Variants in PVT1 observed in about 807,000 individuals in gnomAD.
PVT1 encodes the protein CXCR4/PVT1 fusion.
intron 3 of PVT1, among the ~76,000 whole-genome samples, chr8:127,909,564 A>G (rs1438000958): frequency 3.9e-5 from 6 of 152,172 alleles, no homozygotes; most frequent in African/African-American, 7.2e-5. Context: ...AATGTTTGGC[A>G]TATGTGCGGA....
chr8:128,076,289 A>G (rs1040607018), intron 5 of PVT1, among the ~76,000 whole-genome samples: 1 of 152,152 alleles, frequency 6.6e-6, no homozygotes, highest in African/African-American at 2.4e-5. Context: ...TGCCACCAGG[A>G]TTGACATAAA....
Position 128,044,100 on chromosome 8 carries a change from C to G in PVT1, n.913-26060C>G, listed in dbSNP as rs78764616. On this transcript the variant is annotated intron_variant and non_coding_transcript_variant, in intron 4 of 10. Coordinates refer to ENST00000651587, the Ensembl canonical transcript of PVT1. ...CCTGGTCTCAAGTGATCCTGCTGCC[C>G]AGGCTCCCAAAGTGTTGAGACTACA... Among the ~76,000 whole-genome samples the G allele has an allele frequency of 9.7e-3, 1,457 of 150,940 alleles. 21 individuals carry two copies. Among genetic ancestry groups the G allele is most frequent in the African/African-American group, 0.032 (1,325 of 40,948 alleles).
chr8:128,099,562 A>G (rs1382509225), intron 6 of PVT1: 2 of 152,228 alleles, frequency 1.3e-5, no homozygotes, highest in Non-Finnish European at 2.9e-5. Context: ...GCAGCTTATT[A>G]TAGACTTATA....
intron 4 of PVT1, among the ~76,000 whole-genome samples, chr8:128,001,898 A>C (rs1549510): frequency 0.84 from 127,658 of 151,960 alleles, 53,693 homozygotes; most frequent in South Asian, 0.9. Context: ...ATGAGGACTC[A>C]ACACTCGTGA....
intron 2 of PVT1, among the ~76,000 whole-genome samples, chr8:127,886,400 G>A (rs1443431985): frequency 3.9e-5 from 6 of 152,038 alleles, no homozygotes. Context: ...TCCCACCCCC[G>A]ATATTGATCT....
At chr8:127,918,491 A>G (rs1385112806) in intron 3 of PVT1, among the ~76,000 whole-genome samples, 1 of 152,168 alleles carries the variant, frequency 6.6e-6, no homozygotes, top group Non-Finnish European at 1.5e-5. Flanking sequence ...CACAACTGGA[A>G]CCACTAGGCC....
chr8:127,922,221 T>C (rs1292449892), intron 3 of PVT1, among the ~76,000 whole-genome samples: 1 of 151,950 alleles, frequency 6.6e-6, no homozygotes, highest in Non-Finnish European at 1.5e-5. Context: ...TAATTATAAA[T>C]TGTATACTAA....
intron 3 of PVT1, among the ~76,000 whole-genome samples, chr8:127,901,006 G>A (rs1815752276): frequency 1.3e-5 from 2 of 152,238 alleles, no homozygotes; most frequent in South Asian, 2.1e-4. Flanking sequence ...TGTGGAAGGA[G>A]CAACATAATG....
At chr8:127,885,627 G>A (rs1815514315) in intron 2 of PVT1, among the ~76,000 whole-genome samples, 2 of 152,084 alleles carry the variant, frequency 1.3e-5, no homozygotes, top group Admixed American at 1.3e-4. Flanking sequence ...CATCACCTTG[G>A]CAGTTAAGAG....
At chr8:128,065,290 C>A (rs1419475464) in intron 4 of PVT1, among the ~76,000 whole-genome samples, 1 of 151,934 alleles carries the variant, frequency 6.6e-6, no homozygotes, top group Non-Finnish European at 1.5e-5. Flanking sequence ...TTCCTGGGTT[C>A]AAGGGATTCT....
chr8:127,963,404 G>A (rs1816668492), intron 3 of PVT1, among the ~76,000 whole-genome samples: 1 of 152,096 alleles, frequency 6.6e-6, no homozygotes. Flanking sequence ...GGGTGAGTGT[G>A]GTTGTTTACA....
chr8:128,053,065 T>A (rs75855504), intron 4 of PVT1, among the ~76,000 whole-genome samples: 8,773 of 152,290 alleles, frequency 0.058, 290 homozygotes, highest in South Asian at 0.14. Context: ...ATTATCCTAT[T>A]TCTTGGGTAA....
intron 3 of PVT1, among the ~76,000 whole-genome samples, chr8:127,943,688 A>G (rs73359223): frequency 0.063 from 9,515 of 152,206 alleles, 679 homozygotes; most frequent in African/African-American, 0.17. Context: ...GGTGGTGCGT[A>G]CATATGTGTG....
intron 4 of PVT1, among the ~76,000 whole-genome samples, chr8:128,030,458 T>C (rs902558037): frequency 9.9e-5 from 15 of 152,242 alleles, no homozygotes; most frequent in Admixed American, 6.5e-4. Context: ...GAAAATATTT[T>C]AAGGCCACCT....
chr8:128,016,307 C>A (rs548686072), intron 4 of PVT1, among the ~76,000 whole-genome samples: 28 of 148,504 alleles, frequency 1.9e-4, no homozygotes, highest in African/African-American at 7.3e-4. Flanking sequence ...AGGATGGTAA[C>A]CATTCTCTGC....
intron 3 of PVT1, among the ~76,000 whole-genome samples, chr8:127,943,624 A>G (rs768778304): frequency 1.3e-5 from 2 of 152,128 alleles, no homozygotes; most frequent in Non-Finnish European, 2.9e-5. Context: ...TCCAGTTGGG[A>G]CAACCTAAAG....
intron 3 of PVT1, among the ~76,000 whole-genome samples, chr8:127,931,114 C>T (rs1331487695): frequency 1.3e-5 from 2 of 152,134 alleles, no homozygotes; most frequent in African/African-American, 4.8e-5. Flanking sequence ...CTATGTTGCC[C>T]ACGCTGGTCT....
chr8:128,052,027 T>C (rs1403496285), intron 4 of PVT1, among the ~76,000 whole-genome samples: 1 of 152,238 alleles, frequency 6.6e-6, no homozygotes, highest in Non-Finnish European at 1.5e-5. Flanking sequence ...TGTCTACATA[T>C]TTTAAGAAGT....
At chr8:128,043,803 C>CACACACACACACACACACACACACACAT (rs1554606714) in intron 4 of PVT1, among the ~76,000 whole-genome samples, 2 of 142,426 alleles carry the variant, frequency 1.4e-5, no homozygotes, top group African/African-American at 5.3e-5. Context: ...CACACACACA[C>CACACACACACACACACACACACACACAT]ATACACAAGG....
Sources: gnomAD v4.1 joint callset for allele counts (sites outside exome capture counted in the v4.1 genomes callset) on GRCh38, gnomAD v4.1.1 for gene constraint, MANE v1.5 for transcripts, NCBI Gene and HGNC (gene_info 2026-07-23, HGNC 2026-07-21) for gene names.